Variants in PCDH9 observed in about 807,000 individuals in gnomAD.
The protein encoded by PCDH9 is protocadherin 9, also known as protocadherin-9.
In PCDH9, 24 loss-of-function variants were observed where a neutral mutation model predicts 70.6. That is an observed-to-expected ratio of 0.34 (90% CI 0.25 to 0.48). The LOEUF is 0.48. Ranked by LOEUF, PCDH9 falls within the 20% of genes least tolerant of loss-of-function variation. PCDH9 has a pLI of 0.99. For synonymous variants in PCDH9, 562 were observed against 558.5 expected, an observed-to-expected ratio of 1.01 and a Z score of -0.09; for missense variants, 1,281 against 1,503.6, an observed-to-expected ratio of 0.85 and a Z score of 2.45.
intron 2 of PCDH9, chr13:67,203,498 CT>C (rs1160182191): frequency 6.6e-6 from 1 of 151,972 alleles, no homozygotes. Context: ...AAAAACTATG[CT>C]TTAAAAAATA....
At chr13:66,837,858 GC>G (rs1391732273) in intron 3 of PCDH9, among the ~76,000 whole-genome samples, 2 of 152,080 alleles carry the variant, frequency 1.3e-5, no homozygotes, top group African/African-American at 4.8e-5. Flanking sequence ...GGACACAACT[GC>G]CAAACACACA....
At chr13:66,522,920 A>C (rs1235793927) in intron 4 of PCDH9, among the ~76,000 whole-genome samples, 1 of 152,120 alleles carries the variant, frequency 6.6e-6, no homozygotes, top group African/African-American at 2.4e-5. Context: ...CAGTCACAGG[A>C]AACTGACACA....
At chr13:67,157,437 A>C (rs1447453520) in intron 2 of PCDH9, among the ~76,000 whole-genome samples, 1 of 152,228 alleles carries the variant, frequency 6.6e-6, no homozygotes, top group Non-Finnish European at 1.5e-5. Flanking sequence ...AATTATACTA[A>C]GGGCAAGTTT....
At chr13:67,154,383 G>T (rs34254951) in intron 2 of PCDH9, among the ~76,000 whole-genome samples, 4 of 151,752 alleles carry the variant, frequency 2.6e-5, no homozygotes, top group African/African-American at 9.7e-5. Context: ...TAGGTGGATC[G>T]CCTGGGCAAC....
intron 4 of PCDH9, among the ~76,000 whole-genome samples, chr13:66,318,155 A>T (rs1955687857): frequency 6.6e-6 from 1 of 152,172 alleles, no homozygotes; most frequent in South Asian, 2.1e-4. Flanking sequence ...ACACCTTGCA[A>T]ATCCAGGGAA....
At chr13:66,834,002 A>G (rs1351846026) in intron 3 of PCDH9, among the ~76,000 whole-genome samples, 1 of 152,060 alleles carries the variant, frequency 6.6e-6, no homozygotes, top group Non-Finnish European at 1.5e-5. Flanking sequence ...GGGAGAAAAA[A>G]CTTTTGTAGA....
chr13:67,183,977 C>T (rs1004156807), intron 2 of PCDH9, among the ~76,000 whole-genome samples: 4 of 152,126 alleles, frequency 2.6e-5, no homozygotes, highest in African/African-American at 9.7e-5. Context: ...TGCAAATCGT[C>T]CTATGATCAT....
intron 2 of PCDH9, among the ~76,000 whole-genome samples, chr13:67,024,586 T>C (rs2084742866): frequency 6.6e-6 from 1 of 152,100 alleles, no homozygotes; most frequent in African/African-American, 2.4e-5. Flanking sequence ...CATATATTGG[T>C]TAGGCTATTT....
intron 2 of PCDH9, among the ~76,000 whole-genome samples, chr13:67,032,055 A>G (rs1054932516): frequency 1.3e-5 from 2 of 152,242 alleles, no homozygotes; most frequent in African/African-American, 4.8e-5. Flanking sequence ...AAATTTTGCA[A>G]TTAGCTACTG....
chr13:66,481,719 T>C (rs1435184365), intron 4 of PCDH9, among the ~76,000 whole-genome samples: 3 of 152,188 alleles, frequency 2.0e-5, no homozygotes, highest in Non-Finnish European at 4.4e-5. Context: ...CAGCACAATG[T>C]TGAATTTATT....
intron 4 of PCDH9, among the ~76,000 whole-genome samples, chr13:66,552,315 C>T (rs1961522900): frequency 6.6e-6 from 1 of 152,140 alleles, no homozygotes; most frequent in Non-Finnish European, 1.5e-5. Context: ...GAGAATTTCA[C>T]AGTCAGCGTT....
chr13:66,967,051 A>T (rs1842924035), intron 2 of PCDH9, among the ~76,000 whole-genome samples: 1 of 152,084 alleles, frequency 6.6e-6, no homozygotes, highest in African/African-American at 2.4e-5. Flanking sequence ...GGAACAAGGA[A>T]GGAGGACTAT....
intron 2 of PCDH9, among the ~76,000 whole-genome samples, chr13:66,997,272 C>T (rs1195791100): frequency 6.6e-6 from 1 of 152,062 alleles, no homozygotes; most frequent in Non-Finnish European, 1.5e-5. Flanking sequence ...CTGGTGAGGG[C>T]CTCAGGAAAT....
chr13:67,087,104 A>AC (rs2086123319), intron 2 of PCDH9, among the ~76,000 whole-genome samples: 1 of 151,566 alleles, frequency 6.6e-6, no homozygotes, highest in African/African-American at 2.4e-5. Flanking sequence ...AAAAAAAAAA[A>AC]AAAAAATTAA....
intron 4 of PCDH9, among the ~76,000 whole-genome samples, chr13:66,525,655 C>A (rs1241178541): frequency 1.3e-5 from 2 of 152,122 alleles, no homozygotes; most frequent in African/African-American, 4.8e-5. Context: ...CATTTGTCTA[C>A]ATTGAATGTC....
rs2081991489 is a variant in PCDH9, at chr13:66,885,560, A to G, written c.3138+17944T>C. Among the ~76,000 whole-genome samples, 3 of 152,148 alleles carry G rather than the reference A, an allele frequency of 2.0e-5. No individual in the cohort carries two copies. In the South Asian group the frequency reaches 6.2e-4, roughly 32 times the overall value. On this transcript the variant is annotated intron_variant, in intron 3 of 4. Coordinates refer to ENST00000377865, the MANE Select transcript of PCDH9 (RefSeq NM_203487.3). ...ATATTTTTAAGATTTTGAATTCTTTATGAGAAAGAGAGAAAGAGTTCAAGT... is the reference window on the plus strand; with the variant it reads ...ATATTTTTAAGATTTTGAATTCTTTGTGAGAAAGAGAGAAAGAGTTCAAGT...
intron 3 of PCDH9, among the ~76,000 whole-genome samples, chr13:66,717,577 G>T (rs1490632024): frequency 6.9e-6 from 1 of 145,092 alleles, no homozygotes; most frequent in African/African-American, 2.6e-5. Context: ...TTTGATTAAG[G>T]GTTTTAGAAA....
At chr13:66,599,395 T>C (rs955928344) in intron 4 of PCDH9, among the ~76,000 whole-genome samples, 10 of 151,904 alleles carry the variant, frequency 6.6e-5, no homozygotes, top group African/African-American at 2.4e-4. Flanking sequence ...TATCACTTAA[T>C]AGGTTACTTG....
chr13:66,969,996 A>T (rs188414741), intron 2 of PCDH9, among the ~76,000 whole-genome samples: 31 of 152,182 alleles, frequency 2.0e-4, no homozygotes, highest in Non-Finnish European at 8.8e-5. Flanking sequence ...TGTGCATTTT[A>T]AGATGTTATT....
Sources: gnomAD v4.1 joint callset for allele counts (sites outside exome capture counted in the v4.1 genomes callset) on GRCh38, gnomAD v4.1.1 for gene constraint, MANE v1.5 for transcripts, NCBI Gene and HGNC (gene_info 2026-07-23, HGNC 2026-07-21) for gene names.